ABCC8: variants seen among roughly 807,000 people sequenced by gnomAD.
ABCC8 encodes the protein ATP-binding cassette sub-family C member 8.
A neutral mutation model predicts 188.0 loss-of-function variants in ABCC8; 137 were observed. The ratio of observed to expected loss-of-function variants is 0.73; its 90% CI spans 0.63 to 0.84. ABCC8 has a LOEUF of 0.84. Ranked by LOEUF, ABCC8 falls within the 40% of genes least tolerant of loss-of-function variation. ABCC8 has a pLI of 0.00. For missense variants in ABCC8, 1,750 were observed against 2,072.7 expected (o/e 0.84, Z 3.02); for synonymous variants, 797 against 846.5 (o/e 0.94, Z 1.01).
chr11:17,434,984 C>CGCGCGTGTGTGTGTGT (rs71457876), intron 10 of ABCC8, among the ~76,000 whole-genome samples: 207 of 144,754 alleles, frequency 1.4e-3, no homozygotes, highest in Non-Finnish European at 2.2e-3. Flanking sequence ...CGTGTGTTCG[C>CGCGCGTGTGTGTGTGT]GTGTGTGTGT....
chr11:17,446,031 T>C (rs1427339752), intron 8 of ABCC8, among the ~76,000 whole-genome samples: 1 of 150,612 alleles, frequency 6.6e-6, no homozygotes, highest in Non-Finnish European at 1.5e-5. Context: ...AGTGACACGA[T>C]CTCAGCTCAC....
chr11:17,436,273 C>A, intron 10 of ABCC8: 1 of 436,732 alleles, frequency 2.3e-6, no homozygotes, highest in South Asian at 2.1e-5. Flanking sequence ...GTGGATGTGG[C>A]TGGACCTGGG....
chr11:17,448,493 C>A (rs1372233048), intron 8 of ABCC8, 23 bp downstream of exon 8: 7 of 1,609,862 alleles, frequency 4.3e-6, no homozygotes, highest in Non-Finnish European at 6.0e-6. Context: ...GCCCCCCTCC[C>A]TTCCCCTCAG....
chr11:17,439,358 C>G (rs1043737788), intron 10 of ABCC8, among the ~76,000 whole-genome samples: 1 of 151,988 alleles, frequency 6.6e-6, no homozygotes, highest in South Asian at 2.1e-4. Context: ...CTGATGGTGC[C>G]GCATATGAGC....
At chr11:17,394,517 G>T in intron 36 of ABCC8, 118 bp from the exon 37 acceptor site, 3 of 1,539,086 alleles carry the variant, frequency 1.9e-6, no homozygotes, top group Non-Finnish European at 2.7e-6. Context: ...ATAGGTGGGT[G>T]TGTGTCCAAG....
Position 17,404,728 on chromosome 11 carries a change from G to A in ABCC8, c.3400-59C>T. On this transcript the variant is annotated intron_variant, in intron 27 of 38. Transcript: ENST00000389817. The surrounding 1 kb of genome is among the most constrained non-coding windows in gnomAD (Gnocchi z 4.7). ...TTTTGGTATTGACTGTGTTTAGAGT[G>A]CTACTGGCCGCCATGTTTTGCTCTC... 1 of 1,553,982 alleles carries A rather than the reference G, an allele frequency of 6.4e-7. No homozygotes were observed. The highest frequency in any genetic ancestry group is 8.7e-7 in the Non-Finnish European group (1 of 1,149,054).
Position 17,395,632 on chromosome 11 carries a change from CG to C in ABCC8, c.4284del (p.Val1429SerfsTer31). 6.4e-7 allele frequency: 1 copy of C among 1,557,102 alleles called. No homozygotes were observed. The highest frequency in any genetic ancestry group is 8.7e-7 in the Non-Finnish European group (1 of 1,151,050). ...RSRLSIILQD[P>X]VLFSGTIRFN... ...CACCGGATGGTGCCGCTGAAGAGGA[CG>C]GGGTCCTGCAGGATGATGGAGAGGC... On this transcript the variant is annotated frameshift_variant, in exon 35 of 39. Coordinates refer to ENST00000389817, the MANE Select transcript of ABCC8 (RefSeq NM_000352.6). LOFTEE classifies it high-confidence loss of function.
chr11:17,456,465 C>T (rs992950389), intron 6 of ABCC8, among the ~76,000 whole-genome samples: 12 of 152,284 alleles, frequency 7.9e-5, no homozygotes, highest in African/African-American at 2.9e-4. Flanking sequence ...AGGTCCCCTT[C>T]ACATGTTCTC....
At position 17,396,968 on chromosome 11, in the gene ABCC8, G is replaced by A; in HGVS notation, c.4067C>T (p.Ser1356Phe). Residue 1356 changes from serine (S) to phenylalanine (F), a missense_variant, in exon 33 of 39, where the codon TCC becomes TTC. By Grantham distance (155) the Ser-to-Phe change is radical. Transcript: ENST00000389817. ...IQNLSVRYDS[S>F]LKPVLKHVNA... ...GACGTGCTTCAGCACCGGCTTCAGG[G>A]AGCTGTCGTAGCGCACGCTCAGGTT... is the stretch of plus-strand genomic sequence containing the variant. 1 of 1,614,230 alleles carries A rather than the reference G, an allele frequency of 6.2e-7. No homozygotes were observed. Among genetic ancestry groups the A allele is most frequent in the African/African-American group, 1.3e-5 (1 of 75,062 alleles).
chr11:17,461,165 C>T, intron 5 of ABCC8: 1 of 339,206 alleles, frequency 2.9e-6, no homozygotes. Flanking sequence ...TGGGGAGATT[C>T]CTGTCTGGCT....
intron 33 of ABCC8, chr11:17,396,518 G>A (rs1054466259): frequency 9.6e-6 from 3 of 313,968 alleles, no homozygotes; most frequent in Middle Eastern, 1.1e-3. Context: ...CTGGGCCAGG[G>A]CCATAGGCAG....
intron 17 of ABCC8, among the ~76,000 whole-genome samples, chr11:17,415,863 A>G (rs543414257): frequency 3.3e-5 from 5 of 152,288 alleles, no homozygotes; most frequent in African/African-American, 1.2e-4. Flanking sequence ...GCAGCCCCAT[A>G]TGGCCCCATC....
chr11:17,461,818 A>G lies in ABCC8; in HGVS notation c.587T>C (p.Ile196Thr). ...EVNVIRVRRY[I>T]FFKTPREVKP... ...CACCTCCCTCGGTGTCTTGAAGAAG[A>G]TGTATCTCTGTGGGGCACATGGGCC... The change falls in exon 5 of 39, where the codon ATC becomes ACC. Residue 196 changes from isoleucine (I) to threonine (T), a missense_variant. Ile to Thr is a moderately conservative substitution (Grantham distance 89, BLOSUM62 -1). Transcript: ENST00000389817. 1 of 1,613,990 alleles carries G rather than the reference A, an allele frequency of 6.2e-7. No homozygotes were observed. The highest frequency in any genetic ancestry group is 8.5e-7 in the Non-Finnish European group (1 of 1,179,998).
At chr11:17,400,951 G>A (rs1954210472) in intron 29 of ABCC8, among the ~76,000 whole-genome samples, 1 of 152,188 alleles carries the variant, frequency 6.6e-6, no homozygotes, top group Admixed American at 6.5e-5. Flanking sequence ...ATGTGTATGG[G>A]GTTGATTAAA....
rs763809892 is a variant in ABCC8 at position 17,393,080 on chromosome 11, G to A, written c.4657C>T (p.Arg1553Trp). ...LSADLVIVLK[R>W]GAILEFDKPE... ...TTATCGAACTCAAGGATGGCACCCC[G>A]CTTCAGGACGATCACCAGGTCTGCA... Residue 1553 changes from arginine to tryptophan, a missense_variant, in exon 39 of 39, where the codon CGG (arginine) becomes TGG (tryptophan). Physicochemically the swap from Arg to Trp is moderately radical, Grantham distance 101 (BLOSUM62 -3). Transcript: ENST00000389817. The A allele has an allele frequency of 6.8e-6, 11 of 1,613,956 alleles. No homozygotes were observed. The highest frequency in any genetic ancestry group is 2.2e-5 in the South Asian group (2 of 91,090).
intron 14 of ABCC8, 101 bp downstream of exon 14, chr11:17,428,188 C>A: frequency 6.3e-7 from 1 of 1,576,468 alleles, no homozygotes; most frequent in Non-Finnish European, 8.7e-7. Flanking sequence ...GGCAGGGTGA[C>A]CTCTGCAGAG....
At chr11:17,403,981 A>G (rs1954377250) in intron 28 of ABCC8, among the ~76,000 whole-genome samples, 1 of 152,166 alleles carries the variant, frequency 6.6e-6, no homozygotes, top group Admixed American at 6.5e-5. Context: ...GAACATTCTT[A>G]GAAAATTTTG....
intron 3 of ABCC8, among the ~76,000 whole-genome samples, 159 bp downstream of exon 3, chr11:17,469,942 T>C (rs1252153812): frequency 3.3e-5 from 5 of 152,232 alleles, no homozygotes; most frequent in African/African-American, 4.8e-5. Flanking sequence ...TCTATCCTCC[T>C]TCACCAGACT....
At chr11:17,421,765 G>A (rs1195871340) in intron 16 of ABCC8, among the ~76,000 whole-genome samples, 1 of 152,204 alleles carries the variant, frequency 6.6e-6, no homozygotes, top group Non-Finnish European at 1.5e-5. Context: ...CAGGCAGCTT[G>A]GCTGCAGAGC....
Sources: gnomAD v4.1 joint callset for allele counts (sites outside exome capture counted in the v4.1 genomes callset) on GRCh38, gnomAD v4.1.1 for gene constraint, Gnocchi (gnomAD v3.1) non-coding constraint, MANE v1.5 for transcripts, NCBI Gene and HGNC (gene_info 2026-07-23, HGNC 2026-07-21) for gene names.